Variants in DYDC1 observed in about 807,000 individuals in gnomAD.
DYDC1 encodes DPY30 domain-containing protein 1.
In DYDC1, 21 loss-of-function variants were observed where a neutral mutation model predicts 27.9. The ratio of observed to expected loss-of-function variants is 0.75; its 90% CI spans 0.53 to 1.08. The LOEUF (loss-of-function observed/expected upper bound fraction) is 1.08, where lower values mean the gene tolerates loss of function less well. Among genes scored for constraint, DYDC1 ranks in the 50% least tolerant of loss-of-function variants. DYDC1 has a pLI of 0.00. For synonymous variants in DYDC1, 67 were observed against 65.8 expected, an observed-to-expected ratio of 1.02 and a Z score of -0.09; for missense variants, 202 against 205.9, an observed-to-expected ratio of 0.98 and a Z score of 0.12.
At chr10:80,342,611 C>A (rs557281986) in intron 3 of DYDC1, among the ~76,000 whole-genome samples, 22 of 152,320 alleles carry the variant, frequency 1.4e-4, no homozygotes, top group African/African-American at 4.6e-4. Context: ...GAGATTGCAA[C>A]AATTTTCCAG....
At chr10:80,341,937 T>A (rs1842335309) in intron 4 of DYDC1, among the ~76,000 whole-genome samples, 1 of 149,240 alleles carries the variant, frequency 6.7e-6, no homozygotes, top group Non-Finnish European at 1.5e-5. Context: ...GGCAGGAGAA[T>A]CACTTGAACC....
chr10:80,340,282 C>T (rs1842275031), intron 4 of DYDC1, among the ~76,000 whole-genome samples: 1 of 152,200 alleles, frequency 6.6e-6, no homozygotes, highest in African/African-American at 2.4e-5. Context: ...TAGCAAACTT[C>T]CCTTTGCACA....
intron 6 of DYDC1, 78 bp downstream of exon 6, chr10:80,338,389 C>T (rs777156033): frequency 1.3e-6 from 2 of 1,569,234 alleles, no homozygotes; most frequent in South Asian, 1.2e-5. Flanking sequence ...GCCTCATTTT[C>T]CCTAGGCTTT....
chr10:80,338,660 T>C, intron 5 of DYDC1, 89 bp from the exon 6 acceptor site: 1 of 1,300,574 alleles, frequency 7.7e-7, no homozygotes, highest in Non-Finnish European at 1.0e-6. Context: ...ATTTTCTGAT[T>C]TATAACATTA....
chr10:80,343,717 G>A (rs1214962060), intron 3 of DYDC1, among the ~76,000 whole-genome samples: 3 of 152,132 alleles, frequency 2.0e-5, no homozygotes, highest in Non-Finnish European at 4.4e-5. Context: ...GGCAAAACAT[G>A]TTTCTTGCTA....
At chr10:80,356,081 G>A (rs577432860) in intron 1 of DYDC1, among the ~76,000 whole-genome samples, 1 of 151,914 alleles carries the variant, frequency 6.6e-6, no homozygotes, top group Non-Finnish European at 1.5e-5. Context: ...TCCCTAAAGA[G>A]AAAACTTCTG....
intron 4 of DYDC1, 28 bp downstream of exon 4, chr10:80,342,238 TAAA>T (rs758074359): frequency 2.3e-5 from 37 of 1,601,068 alleles, no homozygotes; most frequent in Non-Finnish European, 3.0e-5. Context: ...GAGTTTTAAA[TAAA>T]ACTGACATTT....
rs760553520 is a variant in DYDC1, at chr10:80,338,416, T to TCAAAAA, written c.504+45_504+50dup. 593 of 1,603,480 alleles carry TCAAAAA rather than the reference T, an allele frequency of 3.7e-4. 12 individuals are homozygous for TCAAAAA. The South Asian group carries it at 6.1e-3, about 16-fold the overall frequency. ...CTAGGCTTTACCTAAGTAAAAAAAA[T>TCAAAAA]CAAAAACAAAAACAAAAACGAGTTT... On this transcript the variant is annotated intron_variant, in intron 6 of 6. Transcript: ENST00000372202.
chr10:80,352,936 T>C (rs1843093588), intron 1 of DYDC1, among the ~76,000 whole-genome samples: 1 of 152,064 alleles, frequency 6.6e-6, no homozygotes, highest in Non-Finnish European at 1.5e-5. Flanking sequence ...ACAACATACC[T>C]GAAAAATGGG....
chr10:80,351,884 T>G lies in DYDC1; in HGVS notation c.249+17A>C. 6.2e-7 allele frequency: 1 copy of G among 1,612,924 alleles called. No individual in the cohort carries two copies. The highest frequency in any genetic ancestry group is 8.5e-7 in the Non-Finnish European group (1 of 1,179,100). Reference sequence around the variant, plus strand: ...TCGTTAATTCCAGTCCCCTCTGAACTCTCCTACTTGCCTCACCTGCTGAAG... The same window carrying G: ...TCGTTAATTCCAGTCCCCTCTGAACGCTCCTACTTGCCTCACCTGCTGAAG... On this transcript the variant is annotated intron_variant, in intron 3 of 6. Transcript: ENST00000372202.
At chr10:80,352,040 G>A in intron 2 of DYDC1, 38 bp from the exon 3 acceptor site, 1 of 1,594,766 alleles carries the variant, frequency 6.3e-7, no homozygotes. Context: ...CGACTTCTTA[G>A]CGAGAAAGCA....
At position 80,336,114 on chromosome 10, in the gene DYDC1, T is replaced by C. The variant is rs1480296763; in HGVS notation, c.*42A>G. 1 of 1,328,102 alleles carries C rather than the reference T, an allele frequency of 7.5e-7. No homozygotes were observed. The highest frequency in any genetic ancestry group is 1.3e-5 in the South Asian group (1 of 77,646). The allele number at this position is 1,328,102 out of a possible 1,614,324, so 82.3% of individuals were successfully genotyped here. Reference sequence around the variant, plus strand: ...ATTGGGAACCTCATGGTTTGAAATTTGAAACAAACAAAAACATTTATTGCT... The same window carrying C: ...ATTGGGAACCTCATGGTTTGAAATTCGAAACAAACAAAAACATTTATTGCT... On this transcript the variant is annotated 3_prime_UTR_variant, in exon 7 of 7. Coordinates refer to ENST00000372202, the MANE Select transcript of DYDC1 (RefSeq NM_001269053.2).
At position 80,338,171 on chromosome 10, in the gene DYDC1, C is replaced by A. The variant is rs1283803792; in HGVS notation, c.504+296G>T. The A allele has an allele frequency of 1.3e-5, 13 of 985,278 alleles. No individual in the cohort carries two copies. In the African/African-American group the frequency reaches 2.3e-4, roughly 17 times the overall value. The allele number at this position is 985,278 out of a possible 1,614,324, so 61.0% of individuals were successfully genotyped here. A position where few individuals can be genotyped will look rare whatever the true frequency, so the allele number is the denominator to read the frequency against. On this transcript the variant is annotated intron_variant, in intron 6 of 6. Transcript: ENST00000372202. ...TACTGAGAACAAAAATCGTGCCCCC[C>A]ACACCAAATTTAAAGATTATATATT...
intron 1 of DYDC1, among the ~76,000 whole-genome samples, chr10:80,354,896 A>G (rs891871483): frequency 5.3e-5 from 8 of 152,210 alleles, no homozygotes; most frequent in African/African-American, 1.9e-4. Context: ...TTGCTACAGC[A>G]GCGCAAACTA....
chr10:80,354,171 T>C (rs1843197785), intron 1 of DYDC1, among the ~76,000 whole-genome samples: 2 of 150,332 alleles, frequency 1.3e-5, no homozygotes, highest in Middle Eastern at 6.9e-3. Flanking sequence ...TGATGAAATG[T>C]AATCAATTGT....
chr10:80,346,688 C>G (rs1842660905), intron 3 of DYDC1, among the ~76,000 whole-genome samples: 1 of 151,342 alleles, frequency 6.6e-6, no homozygotes, highest in Non-Finnish European at 1.5e-5. Flanking sequence ...TCTCAATCTC[C>G]TGACTTTGTG....
At chr10:80,347,144 A>C (rs1397002404) in intron 3 of DYDC1, among the ~76,000 whole-genome samples, 5 of 151,380 alleles carry the variant, frequency 3.3e-5, no homozygotes, top group South Asian at 4.2e-4. Context: ...AGTGGTTTTG[A>C]TTTGCACTTC....
intron 3 of DYDC1, among the ~76,000 whole-genome samples, chr10:80,342,980 C>CAAAA (rs55665661): frequency 3.5e-4 from 33 of 93,832 alleles, no homozygotes; most frequent in Middle Eastern, 5.4e-3. Context: ...GACTCCCTCT[C>CAAAA]AAAAAAAAAA....
chr10:80,342,980 C>CAAAAAAAAAAAAAAAA (rs55665661), intron 3 of DYDC1, among the ~76,000 whole-genome samples: 3 of 93,886 alleles, frequency 3.2e-5, no homozygotes, highest in Non-Finnish European at 4.3e-5. Flanking sequence ...GACTCCCTCT[C>CAAAAAAAAAAAAAAAA]AAAAAAAAAA....
Sources: gnomAD v4.1 joint callset for allele counts (sites outside exome capture counted in the v4.1 genomes callset) on GRCh38, gnomAD v4.1.1 for gene constraint, MANE v1.5 for transcripts, NCBI Gene and HGNC (gene_info 2026-07-23, HGNC 2026-07-21) for gene names.